PLAT: variants seen among roughly 807,000 people sequenced by gnomAD.
PLAT encodes the protein tissue-type plasminogen activator.
Under a neutral mutation model 74.9 loss-of-function variants are expected in PLAT, and 48 were observed. The ratio of observed to expected loss-of-function variants is 0.64; its 90% CI spans 0.51 to 0.82. The LOEUF is 0.82. Among genes scored for constraint, PLAT ranks in the 40% least tolerant of loss-of-function variants. The pLI, the probability that PLAT is intolerant of heterozygous loss-of-function variation, is 0.00. For missense variants in PLAT, 673 were observed against 736.2 expected, an observed-to-expected ratio of 0.91 and a Z score of 0.99; for synonymous variants, 307 against 294.4, an observed-to-expected ratio of 1.04 and a Z score of -0.44.
At chr8:42,193,808 CG>C (rs1805780365) in intron 1 of PLAT, 1 of 151,642 alleles carries the variant, frequency 6.6e-6, no homozygotes, top group South Asian at 2.1e-4. Context: ...CTCCGCCTCC[CG>C]GGTTCATGCC....
At chr8:42,188,086 G>A (rs1805554256) in intron 4 of PLAT, 70 bp from the exon 5 acceptor site, 1 of 900,834 alleles carries the variant, frequency 1.1e-6, no homozygotes, top group Non-Finnish European at 1.8e-6. Context: ...GGTTCCAGGA[G>A]CCCTGTCTAC....
intron 13 of PLAT, 113 bp from the exon 14 acceptor site, chr8:42,176,264 ATAT>A: frequency 1.4e-6 from 1 of 717,542 alleles, no homozygotes; most frequent in South Asian, 2.0e-5. Flanking sequence ...CCCTTCAATA[ATAT>A]TCCATTCAGT....
At chr8:42,176,792 T>G (rs1804990179) in intron 13 of PLAT, among the ~76,000 whole-genome samples, 1 of 152,202 alleles carries the variant, frequency 6.6e-6, no homozygotes, top group Non-Finnish European at 1.5e-5. Context: ...CATTCACTTA[T>G]TCTCCAAAAA....
chr8:42,182,249 A>T (rs1587930426), intron 8 of PLAT: 1 of 440,910 alleles, frequency 2.3e-6, no homozygotes, highest in East Asian at 4.7e-5. Flanking sequence ...GCCATGTAAG[A>T]GTAGAAGGAG....
At chr8:42,191,515 A>G in intron 2 of PLAT, 101 bp from the exon 3 acceptor site, 2 of 1,010,430 alleles carry the variant, frequency 2.0e-6, no homozygotes, top group Non-Finnish European at 1.6e-6. Context: ...CCGGCCAGAT[A>G]CCTCTGCTCA....
intron 1 of PLAT, among the ~76,000 whole-genome samples, chr8:42,197,523 A>T (rs570958614): frequency 6.6e-6 from 1 of 152,296 alleles, no homozygotes; most frequent in South Asian, 2.1e-4. Flanking sequence ...TTTGGCTGAG[A>T]AATTGATGAT....
intron 1 of PLAT, among the ~76,000 whole-genome samples, chr8:42,199,758 C>G (rs1301809387): frequency 2.0e-5 from 3 of 152,212 alleles, no homozygotes; most frequent in African/African-American, 7.2e-5. Flanking sequence ...GAAGCAAACA[C>G]AAGGACCACC....
rs764692184 is a variant in PLAT at position 42,181,992 on chromosome 8, G to C, written c.834C>G (p.Cys278Trp). 1.2e-6 allele frequency: 2 copies of C among 1,611,108 alleles called. No homozygotes were observed. Among genetic ancestry groups the C allele is most frequent in the Non-Finnish European group, 1.7e-6 (2 of 1,177,202 alleles). ...RNPDGDAKPW[C>W]HVLKNRRLTW... ...TCAGCCTGCGGTTCTTCAGCACGTG[G>C]CACCAGGGCTTGGCATCCCCATCAG... The change falls in exon 9 of 14, where the codon TGC becomes TGG. Residue 278 changes from cysteine to tryptophan, a missense_variant. Physicochemically the swap from Cys to Trp is radical, Grantham distance 215. Transcript: ENST00000220809.
chr8:42,184,997 A>G, intron 7 of PLAT, 84 bp downstream of exon 7: 1 of 837,640 alleles, frequency 1.2e-6, no homozygotes, highest in Non-Finnish European at 1.9e-6. Flanking sequence ...TTCTCCCCTC[A>G]GGTGCAGGAG....
chr8:42,180,314 C>G lies in PLAT; in HGVS notation c.1150G>C (p.Glu384Gln), dbSNP rs148523981. 78 of 1,614,106 alleles carry G rather than the reference C, an allele frequency of 4.8e-5. No homozygotes were observed. Among genetic ancestry groups the G allele is most frequent in the Non-Finnish European group, 5.9e-5 (70 of 1,180,004 alleles). Reference protein sequence around the residue: ...RTYRVVPGEEEQKFEVEKYIV... With the variant: ...RTYRVVPGEEQQKFEVEKYIV... ...TATTTTTCGACTTCAAATTTCTGCT[C>G]CTCCTCGCCAGGGACCACCCGGTAT... is the stretch of plus-strand genomic sequence containing the variant. The change falls in exon 11 of 14, where the codon GAG (glutamate) becomes CAG (glutamine). Residue 384 changes from glutamate (E) to glutamine (Q), a missense_variant. By Grantham distance (29) the Glu-to-Gln change is conservative (BLOSUM62 2). Transcript: ENST00000220809.
chr8:42,178,145 T>C (rs1012503523), intron 13 of PLAT, among the ~76,000 whole-genome samples: 1 of 152,240 alleles, frequency 6.6e-6, no homozygotes, highest in Non-Finnish European at 1.5e-5. Flanking sequence ...GAATGTGAGT[T>C]TTGAAAACTT....
At chr8:42,181,300 C>T (rs1330659325) in intron 9 of PLAT, among the ~76,000 whole-genome samples, 1 of 152,222 alleles carries the variant, frequency 6.6e-6, no homozygotes, top group African/African-American at 2.4e-5. Flanking sequence ...CATTTCCAAA[C>T]TAAAGTTTCA....
At chr8:42,201,018 C>G (rs1563264369) in intron 1 of PLAT, among the ~76,000 whole-genome samples, 2 of 152,130 alleles carry the variant, frequency 1.3e-5, no homozygotes, top group African/African-American at 2.4e-5. Flanking sequence ...TTAGTAGAGA[C>G]AGGGTTTCGG....
chr8:42,182,332 C>A, intron 8 of PLAT: 1 of 254,546 alleles, frequency 3.9e-6, no homozygotes, highest in Non-Finnish European at 7.5e-6. Flanking sequence ...GCAGCACACC[C>A]CCACCCTAGG....
chr8:42,199,434 C>T (rs1806043018), intron 1 of PLAT, among the ~76,000 whole-genome samples: 1 of 152,198 alleles, frequency 6.6e-6, no homozygotes, highest in Non-Finnish European at 1.5e-5. Flanking sequence ...TAGCAAGACC[C>T]CATGTCTTCA....
chr8:42,178,468 C>T (rs1003673257), intron 13 of PLAT, among the ~76,000 whole-genome samples: 6 of 152,104 alleles, frequency 3.9e-5, no homozygotes, highest in Admixed American at 1.3e-4. Flanking sequence ...TGGGGTTTCT[C>T]CATGTTGGTC....
Position 42,176,038 on chromosome 8 carries a change from C to T in PLAT, c.1644G>A (p.Lys548=). The T allele has an allele frequency of 6.2e-7, 1 of 1,614,164 alleles. No individual in the cohort carries two copies. The highest frequency in any genetic ancestry group is 8.5e-7 in the Non-Finnish European group (1 of 1,180,020). Residue 548 remains lysine, a synonymous_variant, in exon 14 of 14, where the codon AAG becomes AAA. Coordinates refer to ENST00000220809, the MANE Select transcript of PLAT (RefSeq NM_000930.5). ...GAATCCAGTCTAGGTAGTTGGTAAC[C>T]TTGGTGTACACACCCGGGACATCCT... is the stretch of plus-strand genomic sequence containing the variant. ...GQKDVPGVYT[K]VTNYLDWIRD...
rs775189467 is a variant in PLAT, at chr8:42,203,992, TACACACACAC to T, written c.-27+3492_-27+3501del. 1.2e-3 allele frequency among the ~76,000 whole-genome samples: 130 copies of T among 109,640 alleles called. 1 individual carries two copies. The highest frequency in any genetic ancestry group is 1.8e-3 in the East Asian group (7 of 3,986). 71.9% of individuals were successfully genotyped at this position (109,640 alleles called of 152,430 possible). On this transcript the variant is annotated intron_variant, in intron 1 of 13. Coordinates refer to ENST00000220809, the MANE Select transcript of PLAT (RefSeq NM_000930.5). ...AATTATATATATATATATATATATA[TACACACACAC>T]ACACACACACACACACACACACACA...
intron 1 of PLAT, among the ~76,000 whole-genome samples, chr8:42,197,794 A>G (rs1805965258): frequency 6.6e-6 from 1 of 152,234 alleles, no homozygotes. Context: ...GCTTGTTCGC[A>G]TAAGGTAAAA....
Sources: allele counts gnomAD v4.1 joint callset (sites outside exome capture counted in the v4.1 genomes callset), GRCh38; gene constraint gnomAD v4.1.1; transcripts MANE v1.5; gene names NCBI Gene and HGNC (gene_info 2026-07-23, HGNC 2026-07-21).